Variants in CFI observed in about 807,000 individuals in gnomAD.
CFI encodes complement factor I.
CFI carries 66 observed loss-of-function variants against 78.8 expected under a neutral mutation model. The observed-to-expected ratio is 0.84, with a 90% CI of 0.69 to 1.03. CFI has a LOEUF of 1.03. CFI is among the 50% of genes least tolerant of loss of function. The pLI is 0.00. For synonymous variants in CFI, 250 were observed against 232.6 expected, an observed-to-expected ratio of 1.07 and a Z score of -0.68; for missense variants, 706 against 704.5, an observed-to-expected ratio of 1.00 and a Z score of -0.02.
rs778865118 is a variant in CFI, at chr4:109,766,558, G to T, written c.324C>A (p.Ala108=). ...TGAAAACTAGTCTCTTGCTACCTTC[G>T]GCTGTGCATGTTCCGTTATTTAAAA... ...TKFLNNGTCT[A]EGKFSVSLKH... Residue 108 remains alanine (A), a synonymous_variant, in exon 2 of 13, where the codon GCC becomes GCA. Coordinates refer to ENST00000394634, the MANE Select transcript of CFI (RefSeq NM_000204.5). The T allele has an allele frequency of 2.5e-6, 4 of 1,613,784 alleles. No homozygotes were observed. The highest frequency in any genetic ancestry group is 3.4e-6 in the Non-Finnish European group (4 of 1,179,960).
At chr4:109,745,313 C>A (rs1433142602) in intron 11 of CFI, among the ~76,000 whole-genome samples, 1 of 152,132 alleles carries the variant, frequency 6.6e-6, no homozygotes, top group Non-Finnish European at 1.5e-5. Context: ...CCCCCTCAAC[C>A]TCCAGGAGCT....
At chr4:109,782,431 CAA>C (rs36163689) in intron 1 of CFI, among the ~76,000 whole-genome samples, 1 of 138,066 alleles carries the variant, frequency 7.2e-6, no homozygotes. Flanking sequence ...ACAATAGCTG[CAA>C]AAAAAAAAAA....
chr4:109,792,292 T>C (rs760118783), intron 1 of CFI, among the ~76,000 whole-genome samples: 1 of 152,066 alleles, frequency 6.6e-6, no homozygotes, highest in Non-Finnish European at 1.5e-5. Context: ...TTATTATCTA[T>C]TTCTGGTCAG....
chr4:109,788,932 A>T (rs1445266923), intron 1 of CFI, among the ~76,000 whole-genome samples: 2 of 152,068 alleles, frequency 1.3e-5, no homozygotes, highest in Non-Finnish European at 2.9e-5. Flanking sequence ...ACTTACCCAG[A>T]ATTCTAAAAC....
chr4:109,757,044 C>T (rs1726395783), intron 7 of CFI, among the ~76,000 whole-genome samples: 2 of 151,818 alleles, frequency 1.3e-5, no homozygotes, highest in South Asian at 2.1e-4. Flanking sequence ...TTTACATTTA[C>T]ATTTACATGA....
At chr4:109,743,575 T>C (rs1724067536) in intron 11 of CFI, among the ~76,000 whole-genome samples, 1 of 152,256 alleles carries the variant, frequency 6.6e-6, no homozygotes. Flanking sequence ...ACTTTAGCAT[T>C]GCTATCTTGC....
At chr4:109,774,592 T>A (rs1728986414) in intron 1 of CFI, among the ~76,000 whole-genome samples, 1 of 152,128 alleles carries the variant, frequency 6.6e-6, no homozygotes, top group East Asian at 1.9e-4. Flanking sequence ...ACAGATCTTG[T>A]AGGAACCTGT....
chr4:109,788,671 T>G (rs1348690005), intron 1 of CFI, among the ~76,000 whole-genome samples: 1 of 152,030 alleles, frequency 6.6e-6, no homozygotes, highest in Non-Finnish European at 1.5e-5. Context: ...AAAATTATTT[T>G]TAGTAAAAAT....
At chr4:109,760,209 A>G (rs965001108) in intron 6 of CFI, 61 bp downstream of exon 6, 9 of 1,178,762 alleles carry the variant, frequency 7.6e-6, no homozygotes, top group Admixed American at 1.7e-5. Flanking sequence ...TTACCTAAAG[A>G]AAAGTTTCAG....
chr4:109,736,108 C>G (rs1026342251), downstream of CFI, among the ~76,000 whole-genome samples: 6 of 152,190 alleles, frequency 3.9e-5, no homozygotes, highest in Non-Finnish European at 8.8e-5. Context: ...AAACAGAATG[C>G]TTGAAGTTGC....
chr4:109,762,716 CAA>C (rs1273285573), intron 3 of CFI: 1 of 152,092 alleles, frequency 6.6e-6, no homozygotes, highest in Non-Finnish European at 1.5e-5. Context: ...GCCATGAGAA[CAA>C]ACAAGAGCCA....
intron 1 of CFI, among the ~76,000 whole-genome samples, chr4:109,800,220 TA>T (rs1732591199): frequency 6.6e-6 from 1 of 151,126 alleles, no homozygotes; most frequent in African/African-American, 2.4e-5. Context: ...GAGTTTGTAA[TA>T]AAATTTTAGG....
intron 1 of CFI, among the ~76,000 whole-genome samples, chr4:109,781,877 TACAC>T (rs1387409368): frequency 6.7e-6 from 1 of 150,308 alleles, no homozygotes; most frequent in Admixed American, 6.6e-5. Context: ...ATAAATGTGA[TACAC>T]AACATAAGCA....
At position 109,766,616 on chromosome 4, in the gene CFI, T is replaced by G; in HGVS notation, c.266A>C (p.Lys89Thr). Residue 89 changes from lysine to threonine, a missense_variant, in exon 2 of 13, where the codon AAG becomes ACG. Coordinates refer to ENST00000394634, the MANE Select transcript of CFI (RefSeq NM_000204.5). The stretch of plus-strand genomic sequence containing the variant: ...CCCTGGATGAAGACATTCCAAACTC[T>G]TTTGTTGACAGTATGTTGGGAAGCT... ...RRSFPTYCQQ[K>T]SLECLHPGTK... The G allele has an allele frequency of 1.2e-6, 2 of 1,614,222 alleles. No homozygotes were observed. Among genetic ancestry groups the G allele is most frequent in the Non-Finnish European group, 1.7e-6 (2 of 1,180,032 alleles).
chr4:109,761,089 T>A (rs1327683541), intron 4 of CFI, among the ~76,000 whole-genome samples: 2 of 152,218 alleles, frequency 1.3e-5, no homozygotes, highest in East Asian at 3.8e-4. Context: ...ACTAAAATAT[T>A]CCAGTGTCAG....
chr4:109,760,454 T>A, intron 5 of CFI, 69 bp downstream of exon 5: 1 of 1,497,728 alleles, frequency 6.7e-7, no homozygotes, highest in Admixed American at 1.7e-5. Context: ...AATTCAATAG[T>A]AAAGTTGCTT....
intron 12 of CFI, chr4:109,742,226 A>T: frequency 2.4e-6 from 1 of 419,600 alleles, no homozygotes; most frequent in Non-Finnish European, 4.4e-6. Context: ...CTGGGATATA[A>T]ATCTAGGTCT....
At position 109,780,307 on chromosome 4, in the gene CFI, T is replaced by A. The variant is rs547044362; in HGVS notation, c.58-13483A>T. Among the ~76,000 whole-genome samples the A allele has an allele frequency of 2.0e-4, 30 of 150,960 alleles. No homozygotes were observed. The South Asian group carries it at 6.1e-3, about 31-fold the overall frequency. ...ACTCAAACAAATTTACAAGAAAAAA[T>A]AAAAAAACCCCATCAAAAAGTGGTC... On this transcript the variant is annotated intron_variant, in intron 1 of 12. Transcript: ENST00000394634.
At chr4:109,748,615 T>C (rs1189358447) in intron 10 of CFI, among the ~76,000 whole-genome samples, 2 of 152,030 alleles carry the variant, frequency 1.3e-5, no homozygotes, top group Non-Finnish European at 2.9e-5. Flanking sequence ...GGAAACAATA[T>C]ATGAAGGTCC....
Sources: allele counts gnomAD v4.1 joint callset (sites outside exome capture counted in the v4.1 genomes callset), GRCh38; gene constraint gnomAD v4.1.1; transcripts MANE v1.5; gene names NCBI Gene and HGNC (gene_info 2026-07-23, HGNC 2026-07-21).